Variants in GPC6 observed in about 807,000 individuals in gnomAD.
The protein encoded by GPC6 is glypican 6, also known as glypican-6.
Under a neutral mutation model 55.2 loss-of-function variants are expected in GPC6, and 14 were observed. The observed-to-expected ratio is 0.25, with a 90% confidence interval of 0.17 to 0.40. The LOEUF is 0.40. Among genes scored for constraint, GPC6 ranks in the 10% least tolerant of loss-of-function variants. The pLI is 1.00. For synonymous variants in GPC6, 278 were observed against 259.6 expected, an observed-to-expected ratio of 1.07 and a Z score of -0.68; for missense variants, 641 against 708.5, an observed-to-expected ratio of 0.90 and a Z score of 1.08.
At chr13:94,031,462 T>C (rs1180009790) in intron 4 of GPC6, among the ~76,000 whole-genome samples, 1 of 152,164 alleles carries the variant, frequency 6.6e-6, no homozygotes, top group Non-Finnish European at 1.5e-5. Flanking sequence ...GAATGGTGTC[T>C]TACGTAGCAC....
At chr13:93,943,821 TAGCTGAGGACA>T (rs1878855365) in intron 3 of GPC6, among the ~76,000 whole-genome samples, 1 of 152,220 alleles carries the variant, frequency 6.6e-6, no homozygotes. Flanking sequence ...TTAGAGGGAA[TAGCTGAGGACA>T]AGCTGGGAAG....
intron 3 of GPC6, among the ~76,000 whole-genome samples, chr13:93,877,927 T>G (rs372388548): frequency 1.8e-4 from 28 of 152,104 alleles, no homozygotes; most frequent in African/African-American, 6.7e-4. Flanking sequence ...CATTAACAAA[T>G]AGAAAAGTCA....
chr13:93,218,763 TA>T, the GPC6 span, among the ~76,000 whole-genome samples: 1 of 152,268 alleles, frequency 6.6e-6, no homozygotes, highest in Non-Finnish European at 1.5e-5. Context: ...TTAGTTCTTG[TA>T]CTTATTCATA....
At chr13:94,182,300 A>T (rs1013131845) in intron 4 of GPC6, among the ~76,000 whole-genome samples, 4 of 152,150 alleles carry the variant, frequency 2.6e-5, no homozygotes, top group African/African-American at 9.7e-5. Context: ...TAATGATCTG[A>T]GTCTGACCTA....
At chr13:93,754,032 G>A (rs1462345231) in intron 2 of GPC6, among the ~76,000 whole-genome samples, 1 of 152,186 alleles carries the variant, frequency 6.6e-6, no homozygotes, top group Admixed American at 6.6e-5. Flanking sequence ...AAGGAGCAGA[G>A]TGAAGGGGTA....
At chr13:94,377,875 G>T (rs1035318669) in intron 6 of GPC6, among the ~76,000 whole-genome samples, 6 of 152,140 alleles carry the variant, frequency 3.9e-5, no homozygotes, top group African/African-American at 1.4e-4. Context: ...CATAAAAAAT[G>T]ATGAGTTCAT....
intron 1 of GPC6, among the ~76,000 whole-genome samples, chr13:93,509,942 C>T (rs897870995): frequency 6.6e-6 from 1 of 152,180 alleles, no homozygotes; most frequent in Non-Finnish European, 1.5e-5. Context: ...ATACCTAGCA[C>T]ACAGATTTTT....
chr13:93,494,748 G>T (rs1408508340), intron 1 of GPC6, among the ~76,000 whole-genome samples: 4 of 151,098 alleles, frequency 2.6e-5, no homozygotes, highest in Non-Finnish European at 4.4e-5. Flanking sequence ...GCATTTGCTT[G>T]TGTGTAAAGT....
At position 93,273,672 on chromosome 13, in the gene GPC6, C is replaced by T. The variant is rs117406680; in HGVS notation, c.160+46056C>T. ...GACTCCGTCTCAAAAAACAAACAAA[C>T]AAACAAGTACTGTACATGTCAAAGC... is the stretch of plus-strand genomic sequence containing the variant. On this transcript the variant is annotated intron_variant, in intron 1 of 8. Coordinates refer to ENST00000377047, the MANE Select transcript of GPC6 (RefSeq NM_005708.5). 5.5e-3 allele frequency among the ~76,000 whole-genome samples: 833 copies of T among 152,160 alleles called. 4 individuals are homozygous for T. The highest frequency in any genetic ancestry group is 0.012 in the Admixed American group (177 of 15,276).
At chr13:93,500,786 C>T (rs1356299707) in intron 1 of GPC6, among the ~76,000 whole-genome samples, 1 of 152,098 alleles carries the variant, frequency 6.6e-6, no homozygotes, top group East Asian at 1.9e-4. Context: ...AGACAATGAG[C>T]ACTAAGAACA....
intron 4 of GPC6, among the ~76,000 whole-genome samples, chr13:94,101,267 A>G (rs1341202861): frequency 3.9e-5 from 6 of 152,248 alleles, no homozygotes; most frequent in African/African-American, 1.2e-4. Flanking sequence ...GCAGCTCAAC[A>G]TTGGGAACAA....
chr13:93,324,593 T>TATATATACACACATACCTAC (rs1240383059), intron 1 of GPC6, among the ~76,000 whole-genome samples: 1 of 128,880 alleles, frequency 7.8e-6, no homozygotes, highest in African/African-American at 2.7e-5. Flanking sequence ...CATACATATA[T>TATATATACACACATACCTAC]ATATATATAT....
At chr13:93,496,055 G>T (rs1880255697) in intron 1 of GPC6, among the ~76,000 whole-genome samples, 1 of 152,090 alleles carries the variant, frequency 6.6e-6, no homozygotes, top group South Asian at 2.1e-4. Context: ...GCTCCACCCA[G>T]TTGGAGCTTC....
intron 3 of GPC6, among the ~76,000 whole-genome samples, chr13:93,912,866 G>T (rs1373685714): frequency 1.3e-5 from 2 of 152,158 alleles, no homozygotes; most frequent in Non-Finnish European, 2.9e-5. Context: ...GTCCCTACCT[G>T]CCAGTGACTG....
At chr13:93,813,159 A>C (rs1886747545) in intron 2 of GPC6, among the ~76,000 whole-genome samples, 1 of 152,200 alleles carries the variant, frequency 6.6e-6, no homozygotes, top group African/African-American at 2.4e-5. Flanking sequence ...ACCTCATAAA[A>C]TGTATATTAC....
chr13:94,131,614 A>G (rs1439718894), intron 4 of GPC6, among the ~76,000 whole-genome samples: 1 of 152,184 alleles, frequency 6.6e-6, no homozygotes, highest in Non-Finnish European at 1.5e-5. Context: ...CTTTTTTCCA[A>G]AAACTGACTT....
intron 3 of GPC6, among the ~76,000 whole-genome samples, chr13:93,882,542 C>T (rs1875058849): frequency 6.6e-6 from 1 of 151,986 alleles, no homozygotes; most frequent in Non-Finnish European, 1.5e-5. Flanking sequence ...CTGTTCTAGT[C>T]TGGAATTCCT....
chr13:94,317,915 TG>T (rs1170404702), intron 6 of GPC6, among the ~76,000 whole-genome samples: 3 of 152,138 alleles, frequency 2.0e-5, no homozygotes, highest in Non-Finnish European at 4.4e-5. Flanking sequence ...CCACTCTTTG[TG>T]CCCAATAACA....
intron 1 of GPC6, among the ~76,000 whole-genome samples, chr13:93,340,026 C>G (rs992001214): frequency 1.2e-5 from 1 of 81,618 alleles, no homozygotes; most frequent in African/African-American, 5.0e-5. Flanking sequence ...AGTTTTCTTT[C>G]TTTTTTTTTT....
Sources: allele counts gnomAD v4.1 joint callset (sites outside exome capture counted in the v4.1 genomes callset), GRCh38; gene constraint gnomAD v4.1.1; transcripts MANE v1.5; gene names NCBI Gene and HGNC (gene_info 2026-07-23, HGNC 2026-07-21).